ASB3: variants seen among roughly 807,000 people sequenced by gnomAD.
ASB3 encodes the protein ankyrin repeat and SOCS box containing 3, also known as ankyrin repeat and SOCS box protein 3.
ASB3 carries 41 observed loss-of-function variants against 54.5 expected under a neutral mutation model. The ratio of observed to expected loss-of-function variants is 0.75; its 90% CI spans 0.59 to 0.98. ASB3 has a LOEUF of 0.98. Among genes scored for constraint, ASB3 ranks in the 50% least tolerant of loss-of-function variants. ASB3 has a pLI of 0.00. For synonymous variants in ASB3, 266 were observed against 221.2 expected, an observed-to-expected ratio of 1.20 and a Z score of -1.80; for missense variants, 733 against 620.0, an observed-to-expected ratio of 1.18 and a Z score of -1.94.
At chr2:53,708,853 C>G (rs548533351) in intron 7 of ASB3, among the ~76,000 whole-genome samples, 2 of 152,168 alleles carry the variant, frequency 1.3e-5, no homozygotes, top group African/African-American at 4.8e-5. Flanking sequence ...AGCAAAGCAG[C>G]CTGTCTGCTT....
intron 4 of ASB3, 122 bp from the exon 5 acceptor site, chr2:53,728,969 A>G (rs1671155352): frequency 4.4e-6 from 5 of 1,147,088 alleles, no homozygotes; most frequent in Admixed American, 2.9e-5. Context: ...GAAGGAAAAA[A>G]CAAAACAGTA....
At chr2:53,700,593 A>C in intron 7 of ASB3, 65 bp from the exon 8 acceptor site, 6 of 1,535,984 alleles carry the variant, frequency 3.9e-6, no homozygotes, top group Non-Finnish European at 5.2e-6. Flanking sequence ...TACTTCTTAC[A>C]AACAGTTAAT....
Position 53,759,795 on chromosome 2 carries a change from A to T in ASB3, c.196+5582T>A, listed in dbSNP as rs189458027. On this transcript the variant is annotated intron_variant, in intron 2 of 9. Coordinates refer to ENST00000263634, the MANE Select transcript of ASB3 (RefSeq NM_016115.5). ...GAATCATTGGAAGGCCCACTGCCCC[A>T]GGGGACGAAGGTCCTCTGAGTCAGA... Among the ~76,000 whole-genome samples, 37 of 152,308 alleles carry T rather than the reference A, an allele frequency of 2.4e-4. No homozygotes were observed. In the East Asian group the frequency reaches 6.4e-3, roughly 26 times the overall value.
intron 1 of ASB3, chr2:53,768,046 A>T: frequency 6.2e-7 from 1 of 1,610,420 alleles, no homozygotes; most frequent in Non-Finnish European, 8.5e-7. Context: ...AGCTCCCCAC[A>T]CTTACTGCCC....
intron 9 of ASB3, among the ~76,000 whole-genome samples, chr2:53,691,149 A>G (rs1035626071): frequency 8.5e-5 from 13 of 152,192 alleles, no homozygotes; most frequent in Admixed American, 7.9e-4. Context: ...GATGCTAGAA[A>G]CTTTTTGAAG....
Position 53,700,276 on chromosome 2 carries a change from A to T in ASB3, c.1233T>A (p.Asn411Lys). ...AGFDPLILLC[N>K]SWIDSVSIDT... is the part of the protein sequence containing the mutation. ...ACTATGGTAGAATTTCTTACCAAGA[A>T]TTGCACAGTAGAATCAGTGGGTCAA... The change falls in exon 8 of 10, where the codon AAT becomes AAA. Residue 411 changes from asparagine (N) to lysine (K), a missense_variant. By Grantham distance (94) the Asn-to-Lys change is moderately conservative. Transcript: ENST00000263634. The T allele has an allele frequency of 1.2e-6, 2 of 1,612,574 alleles. No homozygotes were observed. The highest frequency in any genetic ancestry group is 4.5e-5 in the East Asian group (2 of 44,848).
chr2:53,700,473 C>T lies in ASB3; in HGVS notation c.1036G>A (p.Glu346Lys). The T allele has an allele frequency of 6.2e-7, 1 of 1,614,002 alleles. No homozygotes were observed. The highest frequency in any genetic ancestry group is 8.5e-7 in the Non-Finnish European group (1 of 1,179,974). ...TTCAGGCAGTATGCCAAATGAAGTT[C>T]ATTTATCTGGGCTCCATATTTCAAA... Reference protein sequence around the residue: ...ILLKYGAQINELHLAYCLKYE... With the variant: ...ILLKYGAQINKLHLAYCLKYE... The change falls in exon 8 of 10, where the codon GAA (glutamate) becomes AAA (lysine). Residue 346 changes from glutamate to lysine, a missense_variant. Coordinates refer to ENST00000263634, the MANE Select transcript of ASB3 (RefSeq NM_016115.5).
At chr2:53,677,467 A>G (rs751458896) in intron 9 of ASB3, among the ~76,000 whole-genome samples, 20 of 151,926 alleles carry the variant, frequency 1.3e-4, no homozygotes, top group Non-Finnish European at 2.6e-4. Context: ...AACTTAGTAC[A>G]CCAAACTTTC....
intron 3 of ASB3, among the ~76,000 whole-genome samples, chr2:53,730,195 G>C (rs1671222908): frequency 6.6e-6 from 1 of 152,170 alleles, no homozygotes. Flanking sequence ...ACTAATTATG[G>C]AGGAATTTAA....
intron 3 of ASB3, among the ~76,000 whole-genome samples, chr2:53,749,183 A>C (rs1672387709): frequency 6.6e-6 from 1 of 152,138 alleles, no homozygotes; most frequent in Admixed American, 6.5e-5. Context: ...AAAGATGGAA[A>C]ATAATCATAT....
chr2:53,747,024 A>T (rs1672263916), intron 3 of ASB3, among the ~76,000 whole-genome samples: 1 of 152,176 alleles, frequency 6.6e-6, no homozygotes, highest in Admixed American at 6.5e-5. Context: ...TCATTAACAT[A>T]AAAAAGTACA....
At chr2:53,786,142 A>G (rs1674977722) in intron 1 of ASB3, 1 of 152,174 alleles carries the variant, frequency 6.6e-6, no homozygotes, top group Non-Finnish European at 1.5e-5. Context: ...TATATTGGAG[A>G]TCAAAACAGA....
At chr2:53,736,470 A>C (rs1412019493) in intron 3 of ASB3, among the ~76,000 whole-genome samples, 1 of 151,542 alleles carries the variant, frequency 6.6e-6, no homozygotes, top group African/African-American at 2.4e-5. Context: ...AGGCCGAGGC[A>C]GGCGGATCGC....
chr2:53,714,505 C>T lies in ASB3; in HGVS notation c.859G>A (p.Ala287Thr). ...GLNKVSPVYSAVFGGHEDCLE... is the reference protein window; with the variant it reads ...GLNKVSPVYSTVFGGHEDCLE... The stretch of plus-strand genomic sequence containing the variant: ...CAATCTTCATGTCCCCCAAACACTG[C>T]TGAGTAAACAGGGCTTACTTTGTTT... Residue 287 changes from alanine to threonine, a missense_variant, in exon 7 of 10, where the codon GCA becomes ACA. Transcript: ENST00000263634. 6.2e-7 allele frequency: 1 copy of T among 1,614,226 alleles called. No homozygotes were observed. The highest frequency in any genetic ancestry group is 8.5e-7 in the Non-Finnish European group (1 of 1,180,034).
At chr2:53,767,957 A>C in intron 1 of ASB3, 1 of 1,614,174 alleles carries the variant, frequency 6.2e-7, no homozygotes, top group Non-Finnish European at 8.5e-7. Context: ...CTGGTCGGAT[A>C]CATCACCAAC....
At chr2:53,682,226 A>T (rs555708630) in intron 9 of ASB3, among the ~76,000 whole-genome samples, 1 of 151,678 alleles carries the variant, frequency 6.6e-6, no homozygotes, top group East Asian at 1.9e-4. Context: ...TGGTATTTTG[A>T]TAGGAATTGC....
chr2:53,785,802 T>C (rs905177479), intron 1 of ASB3, among the ~76,000 whole-genome samples: 3 of 152,204 alleles, frequency 2.0e-5, no homozygotes, highest in African/African-American at 7.2e-5. Flanking sequence ...AGATTATGCC[T>C]CTGCACTCCA....
intron 8 of ASB3, among the ~76,000 whole-genome samples, chr2:53,697,991 G>T (rs180791596): frequency 2.0e-4 from 31 of 152,320 alleles, no homozygotes; most frequent in African/African-American, 7.0e-4. Context: ...TCTAGGCATT[G>T]CCCTGGTAGA....
At chr2:53,702,893 AT>A (rs1004646133) in intron 7 of ASB3, among the ~76,000 whole-genome samples, 4 of 152,240 alleles carry the variant, frequency 2.6e-5, no homozygotes, top group Non-Finnish European at 5.9e-5. Context: ...TATTAGGTGA[AT>A]TATAACAGGC....
Sources: allele counts gnomAD v4.1 joint callset (sites outside exome capture counted in the v4.1 genomes callset), GRCh38; gene constraint gnomAD v4.1.1; transcripts MANE v1.5; gene names NCBI Gene and HGNC (gene_info 2026-07-23, HGNC 2026-07-21).